FIG4: variants seen among roughly 807,000 people sequenced by gnomAD.
FIG4 encodes polyphosphoinositide phosphatase.
Under a neutral mutation model 118.6 loss-of-function variants are expected in FIG4, and 112 were observed. The observed-to-expected ratio is 0.94, with a 90% CI of 0.81 to 1.11. FIG4 has a LOEUF of 1.11. Among genes scored for constraint, FIG4 ranks in the 50% least tolerant of loss-of-function variants. The probability of loss-of-function intolerance (pLI) is 0.00; values close to 1 mark genes in which losing one functional copy is unlikely to be tolerated. For missense variants in FIG4, 969 were observed against 1,111.7 expected, an observed-to-expected ratio of 0.87 and a Z score of 1.83; for synonymous variants, 369 against 381.2, an observed-to-expected ratio of 0.97 and a Z score of 0.37.
chr6:109,820,455 C>T (rs1408747818), intron 22 of FIG4, among the ~76,000 whole-genome samples: 1 of 152,138 alleles, frequency 6.6e-6, no homozygotes, highest in Non-Finnish European at 1.5e-5. Flanking sequence ...TCCATCTGAA[C>T]ATCTGCAGTA....
chr6:109,785,009 A>G lies in FIG4; in HGVS notation c.1929A>G (p.Leu643=), dbSNP rs1777911568. ...YWWTPEVIKH[L]PLPYDEVICA... is the part of the protein sequence containing the mutation. ...GGACACCAGAGGTGATAAAGCATTT[A>G]CCATTGCCCTATGATGAAGGTAGGT... The change falls in exon 17 of 23, where the codon TTA becomes TTG. Residue 643 remains leucine, a synonymous_variant. Coordinates refer to ENST00000230124, the MANE Select transcript of FIG4 (RefSeq NM_014845.6). The G allele has an allele frequency of 6.4e-7, 1 of 1,574,366 alleles. No homozygotes were observed. Among genetic ancestry groups the G allele is most frequent in the Non-Finnish European group, 8.7e-7 (1 of 1,143,630 alleles).
rs560980586 is a variant in FIG4, at chr6:109,700,091, A to G, written c.66+8590A>G. ...AAGTCCCACTTCTGAATACTATTGC[A>G]TTAAGGATTAGGTTTCAACATATGA... On this transcript the variant is annotated intron_variant, in intron 1 of 22. Transcript: ENST00000230124. 9.5e-4 allele frequency among the ~76,000 whole-genome samples: 144 copies of G among 152,334 alleles called. 1 individual carries two copies. The highest frequency in any genetic ancestry group is 3.2e-3 in the African/African-American group (131 of 41,572).
chr6:109,785,427 A>G (rs1777924570), intron 17 of FIG4, among the ~76,000 whole-genome samples: 1 of 152,228 alleles, frequency 6.6e-6, no homozygotes, highest in Admixed American at 6.5e-5. Context: ...TCCTGTGCTA[A>G]TAAGCAGTGA....
Position 109,736,722 on chromosome 6 carries a change from A to G in FIG4, c.646+1424A>G, listed in dbSNP as rs372858350. 6.6e-5 allele frequency among the ~76,000 whole-genome samples: 10 copies of G among 152,268 alleles called. No homozygotes were observed. The South Asian group carries it at 2.1e-3, about 32-fold the overall frequency. ...TTGATAGATATGAATAACAGGGTGT[A>G]TTAGTTTCTTCTTGTTGCTGTGACA... On this transcript the variant is annotated intron_variant, in intron 6 of 22. Coordinates refer to ENST00000230124, the MANE Select transcript of FIG4 (RefSeq NM_014845.6).
At chr6:109,802,297 A>G (rs1288798517) in intron 22 of FIG4, among the ~76,000 whole-genome samples, 1 of 151,510 alleles carries the variant, frequency 6.6e-6, no homozygotes, top group Non-Finnish European at 1.5e-5. Context: ...TCCTTTCTGT[A>G]TCCCCTCCAG....
chr6:109,696,196 C>G (rs1242242537), intron 1 of FIG4, among the ~76,000 whole-genome samples: 1 of 152,134 alleles, frequency 6.6e-6, no homozygotes, highest in African/African-American at 2.4e-5. Context: ...GTTCATGTTT[C>G]AATTTTAGCA....
chr6:109,823,948 G>A (rs1222770497), intron 22 of FIG4, among the ~76,000 whole-genome samples: 2 of 151,992 alleles, frequency 1.3e-5, no homozygotes, highest in East Asian at 1.9e-4. Flanking sequence ...GCTTACCATC[G>A]TCCCCTTTTT....
intron 5 of FIG4, 86 bp from the exon 6 acceptor site, chr6:109,735,064 C>A: frequency 8.5e-7 from 1 of 1,173,644 alleles, no homozygotes. Flanking sequence ...TAATTTAGTT[C>A]ACAGATTTTA....
intron 16 of FIG4, among the ~76,000 whole-genome samples, chr6:109,780,925 A>G (rs1444251850): frequency 2.0e-5 from 3 of 152,252 alleles, no homozygotes; most frequent in African/African-American, 7.2e-5. Flanking sequence ...GCATACAATC[A>G]TCTAAGATTC....
At chr6:109,792,436 A>C (rs1484740297) in intron 20 of FIG4, 146 bp from the exon 21 acceptor site, 3 of 597,310 alleles carry the variant, frequency 5.0e-6, no homozygotes, top group Non-Finnish European at 8.9e-6. Flanking sequence ...TAAAACCATC[A>C]ACTAAGAAGT....
chr6:109,692,725 C>A lies in FIG4; in HGVS notation c.66+1224C>A, dbSNP rs1054557727. Among the ~76,000 whole-genome samples the A allele has an allele frequency of 2.0e-5, 3 of 151,172 alleles. No individual in the cohort carries two copies. The East Asian group carries it at 5.8e-4, about 29-fold the overall frequency. On this transcript the variant is annotated intron_variant, in intron 1 of 22. Coordinates refer to ENST00000230124, the MANE Select transcript of FIG4 (RefSeq NM_014845.6). ...TTTTTTTTTCCCTTTGAGACAGAGTCTTGCTCTGTCACCCAGGCCGGAGTG... is the reference window on the plus strand; with the variant it reads ...TTTTTTTTTCCCTTTGAGACAGAGTATTGCTCTGTCACCCAGGCCGGAGTG...
intron 6 of FIG4, among the ~76,000 whole-genome samples, chr6:109,736,771 A>G (rs1776170561): frequency 6.6e-6 from 1 of 152,166 alleles, no homozygotes; most frequent in Non-Finnish European, 1.5e-5. Context: ...AGTTGCTAAA[A>G]TAACATAAAT....
chr6:109,743,550 A>AT lies in FIG4; in HGVS notation c.1040-122dup, dbSNP rs1404568103. The AT allele has an allele frequency of 1.4e-4, 108 of 759,110 alleles. 1 individual carries two copies. The East Asian group carries it at 2.7e-3, about 19-fold the overall frequency. 47.0% of individuals were successfully genotyped at this position (759,110 alleles called of 1,614,324 possible). A position where few individuals can be genotyped will look rare whatever the true frequency, so the allele number is the denominator to read the frequency against. ...GTGTCTAGTGAGCATCTTAAGAAGG[A>AT]TTTGGGAAGTGAAACTATTGAAAGA... On this transcript the variant is annotated intron_variant, in intron 9 of 22. Coordinates refer to ENST00000230124, the MANE Select transcript of FIG4 (RefSeq NM_014845.6).
chr6:109,755,004 T>C (rs1349284383), intron 10 of FIG4, among the ~76,000 whole-genome samples: 2 of 152,118 alleles, frequency 1.3e-5, no homozygotes, highest in Non-Finnish European at 2.9e-5. Context: ...GCTCTTGCTT[T>C]TCTAGTTCTT....
intron 18 of FIG4, 138 bp downstream of exon 18, chr6:109,786,587 G>A (rs918026691): frequency 4.7e-5 from 40 of 847,546 alleles, no homozygotes; most frequent in Non-Finnish European, 5.8e-5. Flanking sequence ...AATACCTCCT[G>A]TGATGGGGAG....
chr6:109,778,970 A>G (rs1777713404), intron 16 of FIG4, among the ~76,000 whole-genome samples: 1 of 152,184 alleles, frequency 6.6e-6, no homozygotes, highest in Non-Finnish European at 1.5e-5. Flanking sequence ...CAGAATTTGT[A>G]TGTTTCTCAA....
chr6:109,788,483 A>T (rs969453422), intron 18 of FIG4, among the ~76,000 whole-genome samples: 18 of 152,236 alleles, frequency 1.2e-4, no homozygotes, highest in African/African-American at 2.7e-4. Flanking sequence ...AGAAATTAAG[A>T]AGCGGAGTAC....
intron 10 of FIG4, among the ~76,000 whole-genome samples, chr6:109,751,535 A>T (rs978599473): frequency 6.6e-6 from 1 of 151,366 alleles, no homozygotes; most frequent in East Asian, 1.9e-4. Flanking sequence ...CTGTGAATCT[A>T]TCTGGTACTG....
intron 6 of FIG4, 46 bp downstream of exon 6, chr6:109,735,344 G>T (rs778613515): frequency 1.0e-5 from 16 of 1,524,094 alleles, no homozygotes; most frequent in African/African-American, 1.4e-5. Flanking sequence ...TGGTATCCAT[G>T]AAGTGATATC....
Sources: allele counts gnomAD v4.1 joint callset (sites outside exome capture counted in the v4.1 genomes callset), GRCh38; gene constraint gnomAD v4.1.1; transcripts MANE v1.5; gene names NCBI Gene and HGNC (gene_info 2026-07-23, HGNC 2026-07-21).